BCAR3: variants seen among roughly 807,000 people sequenced by gnomAD.
BCAR3 encodes BCAR3 adaptor protein, NSP family member, also known as breast cancer anti-estrogen resistance protein 3.
Under a neutral mutation model 80.1 loss-of-function variants are expected in BCAR3, and 37 were observed. The observed-to-expected ratio is 0.46, with a 90% CI of 0.36 to 0.61. BCAR3 has a LOEUF of 0.61. Ranked by LOEUF, BCAR3 falls within the 20% of genes least tolerant of loss-of-function variation. The pLI is 0.00. For synonymous variants in BCAR3, 389 were observed against 418.9 expected, an observed-to-expected ratio of 0.93 and a Z score of 0.87; for missense variants, 978 against 1,068.2, an observed-to-expected ratio of 0.92 and a Z score of 1.18.
At chr1:93,701,400 G>A (rs1257668033) in intron 3 of BCAR3, among the ~76,000 whole-genome samples, 1 of 152,186 alleles carries the variant, frequency 6.6e-6, no homozygotes, top group Non-Finnish European at 1.5e-5. Context: ...GGAAGTCAGG[G>A]TTCACCAGGC....
At chr1:93,596,341 A>AAGG (rs1674418709) in intron 3 of BCAR3, among the ~76,000 whole-genome samples, 1 of 152,380 alleles carries the variant, frequency 6.6e-6, no homozygotes, top group South Asian at 2.1e-4. Context: ...AAGAAGACAC[A>AAGG]AGGACATTGT....
In BCAR3 at chr1:93,687,095, T is replaced by G. The variant is rs550032555; in HGVS notation, c.-11-12154A>C. On this transcript the variant is annotated intron_variant, in intron 3 of 13. Coordinates refer to the BCAR3 transcript ENST00000370244. Reference sequence around the variant, plus strand: ...TAAGATCTATATCTGGTTTTGCCTTTGTTTTGTTCTTAGTTTGGGGCCTGG... The same window carrying G: ...TAAGATCTATATCTGGTTTTGCCTTGGTTTTGTTCTTAGTTTGGGGCCTGG... 5.3e-5 allele frequency among the ~76,000 whole-genome samples: 8 copies of G among 152,338 alleles called. No homozygotes were observed. In the East Asian group the frequency reaches 1.2e-3, roughly 22 times the overall value.
chr1:93,845,507 T>TA (rs1557708608), intron 2 of BCAR3: 2 of 116,426 alleles, frequency 1.7e-5, no homozygotes, highest in Admixed American at 9.0e-5. Flanking sequence ...TATATAAAAC[T>TA]TTGTTTACAT....
At chr1:93,698,605 T>C (rs1322224581) in intron 3 of BCAR3, among the ~76,000 whole-genome samples, 1 of 152,190 alleles carries the variant, frequency 6.6e-6, no homozygotes, top group African/African-American at 2.4e-5. Context: ...TACTCATGAC[T>C]GTGGCCCTGG....
At chr1:93,830,997 C>G (rs889067814) in intron 2 of BCAR3, among the ~76,000 whole-genome samples, 3 of 152,204 alleles carry the variant, frequency 2.0e-5, no homozygotes, top group African/African-American at 7.2e-5. Flanking sequence ...TCATTTTCCT[C>G]TCTAGTAGAG....
At chr1:93,615,200 C>T (rs1019719902) in intron 3 of BCAR3, among the ~76,000 whole-genome samples, 2 of 152,100 alleles carry the variant, frequency 1.3e-5, no homozygotes, top group Admixed American at 1.3e-4. Flanking sequence ...CAGAAAGGAA[C>T]AATACCAGAT....
chr1:93,645,206 C>T (rs1193847433), intron 2 of BCAR3, among the ~76,000 whole-genome samples: 1 of 151,956 alleles, frequency 6.6e-6, no homozygotes, highest in Non-Finnish European at 1.5e-5. Context: ...TTTAAAATGG[C>T]TCATCCAGGA....
intron 3 of BCAR3, among the ~76,000 whole-genome samples, chr1:93,604,782 A>C (rs1198045305): frequency 6.6e-6 from 1 of 152,248 alleles, no homozygotes; most frequent in Non-Finnish European, 1.5e-5. Flanking sequence ...CTTCGGGTAG[A>C]ATTCTAAGCT....
intron 2 of BCAR3, among the ~76,000 whole-genome samples, chr1:93,833,529 T>C (rs1406698382): frequency 2.0e-5 from 3 of 152,158 alleles, no homozygotes; most frequent in South Asian, 2.1e-4. Context: ...TACAACTGCA[T>C]AAGACAGACA....
chr1:93,624,033 G>A (rs981017758), intron 3 of BCAR3, among the ~76,000 whole-genome samples: 11 of 152,164 alleles, frequency 7.2e-5, no homozygotes, highest in South Asian at 2.1e-4. Context: ...AACAATACAC[G>A]AATTTGCCTC....
At chr1:93,591,420 A>C (rs1213407762) in intron 4 of BCAR3, among the ~76,000 whole-genome samples, 1 of 152,120 alleles carries the variant, frequency 6.6e-6, no homozygotes, top group African/African-American at 2.4e-5. Context: ...GGTTGCAGTG[A>C]GCTGAGATTG....
At chr1:93,743,297 A>G (rs775835566) in intron 2 of BCAR3, among the ~76,000 whole-genome samples, 26 of 152,188 alleles carry the variant, frequency 1.7e-4, no homozygotes, top group Admixed American at 5.2e-4. Context: ...AATTAATCGC[A>G]CTTTCTCAAA....
intron 3 of BCAR3, among the ~76,000 whole-genome samples, chr1:93,694,179 G>A (rs1649301378): frequency 6.6e-6 from 1 of 152,214 alleles, no homozygotes; most frequent in African/African-American, 2.4e-5. Flanking sequence ...CTTCCGGTAA[G>A]GGATGCTCAC....
intron 3 of BCAR3, among the ~76,000 whole-genome samples, chr1:93,701,524 A>G (rs1449523018): frequency 6.6e-6 from 1 of 152,216 alleles, no homozygotes; most frequent in Non-Finnish European, 1.5e-5. Context: ...ATTTTGAAAA[A>G]GATGAAGCCG....
At chr1:93,637,327 G>A (rs560989038) in intron 3 of BCAR3, among the ~76,000 whole-genome samples, 1 of 152,176 alleles carries the variant, frequency 6.6e-6, no homozygotes, top group Non-Finnish European at 1.5e-5. Flanking sequence ...GCTAATTTTT[G>A]TATTTTTAGT....
intron 11 of BCAR3, among the ~76,000 whole-genome samples, chr1:93,562,907 C>G (rs1049977262): frequency 3.9e-5 from 6 of 151,958 alleles, no homozygotes; most frequent in Admixed American, 1.3e-4. Context: ...GAGAGCAGAG[C>G]CCCACCCTGC....
intron 2 of BCAR3, among the ~76,000 whole-genome samples, chr1:93,777,671 T>A (rs1652623410): frequency 6.6e-6 from 1 of 152,160 alleles, no homozygotes; most frequent in African/African-American, 2.4e-5. Context: ...ACAATCCTCC[T>A]GCCTTGGCCT....
At chr1:93,652,239 T>C (rs896792487) in intron 2 of BCAR3, among the ~76,000 whole-genome samples, 2 of 152,208 alleles carry the variant, frequency 1.3e-5, no homozygotes, top group Non-Finnish European at 2.9e-5. Flanking sequence ...GGGTCCTGGA[T>C]CTGCTTATTC....
intron 2 of BCAR3, among the ~76,000 whole-genome samples, chr1:93,749,839 G>A (rs1450271189): frequency 6.7e-6 from 1 of 148,180 alleles, no homozygotes; most frequent in Non-Finnish European, 1.5e-5. Flanking sequence ...AAAAATCTTC[G>A]TTCTTGATAT....
Sources: allele counts gnomAD v4.1 joint callset (sites outside exome capture counted in the v4.1 genomes callset), GRCh38; gene constraint gnomAD v4.1.1; transcripts MANE v1.5; gene names NCBI Gene and HGNC (gene_info 2026-07-23, HGNC 2026-07-21).